Variants in ARHGEF28 observed in about 807,000 individuals in gnomAD.
ARHGEF28 encodes 190 kDa guanine nucleotide exchange factor.
In ARHGEF28, 152 loss-of-function variants were observed where a neutral mutation model predicts 206.6. The ratio of observed to expected loss-of-function variants is 0.74; its 90% CI spans 0.64 to 0.84. The LOEUF is 0.84. Among genes scored for constraint, ARHGEF28 ranks in the 40% least tolerant of loss-of-function variants. The probability of loss-of-function intolerance (pLI) is 0.00; values close to 1 mark genes in which losing one functional copy is unlikely to be tolerated. For missense variants in ARHGEF28, 2,028 were observed against 2,073.2 expected (o/e 0.98, Z 0.42); for synonymous variants, 763 against 776.4 (o/e 0.98, Z 0.29).
chr5:73,733,499 A>G (rs888054237), intron 2 of ARHGEF28, among the ~76,000 whole-genome samples: 1 of 152,202 alleles, frequency 6.6e-6, no homozygotes, highest in African/African-American at 2.4e-5. Context: ...TCTGGCCTTC[A>G]TTATGTGGGA....
intron 1 of ARHGEF28, among the ~76,000 whole-genome samples, chr5:73,643,836 A>G (rs1744267455): frequency 6.8e-6 from 1 of 146,828 alleles, no homozygotes; most frequent in Non-Finnish European, 1.5e-5. Context: ...AAAAAAATTC[A>G]CTGCATTCCT....
At position 73,909,437 on chromosome 5, in the gene ARHGEF28, A is replaced by T. The variant is rs757176786; in HGVS notation, c.4187A>T (p.His1396Leu). ...GCCGCCTTGACCATTCAGGACAGCC[A>T]CATTGAGATCCACAGGCTGGTTCTC... ...LQAALTIQDS[H>L]IEIHRLVLQQ... Residue 1396 changes from histidine to leucine, a missense_variant, in exon 34 of 36, where the codon CAC becomes CTC. By Grantham distance (99) the His-to-Leu change is moderately conservative. Transcript: ENST00000513042. The T allele has an allele frequency of 9.3e-6, 15 of 1,611,424 alleles. No individual in the cohort carries two copies. Among genetic ancestry groups the T allele is most frequent in the African/African-American group, 1.3e-5 (1 of 74,910 alleles).
chr5:73,649,298 G>T (rs1744644972), intron 1 of ARHGEF28, among the ~76,000 whole-genome samples: 1 of 152,128 alleles, frequency 6.6e-6, no homozygotes. Context: ...GGTGGGGAGT[G>T]GAAGGGGGAC....
intron 9 of ARHGEF28, among the ~76,000 whole-genome samples, chr5:73,820,938 C>A (rs1756549145): frequency 6.6e-6 from 1 of 152,100 alleles, no homozygotes; most frequent in African/African-American, 2.4e-5. Flanking sequence ...TGATCTACTG[C>A]AGAGTCCCAG....
chr5:73,757,042 A>G (rs973512128), intron 4 of ARHGEF28, among the ~76,000 whole-genome samples: 2 of 152,190 alleles, frequency 1.3e-5, no homozygotes, highest in Non-Finnish European at 2.9e-5. Context: ...GTGGGGTTCC[A>G]CTAATCTTGA....
chr5:73,801,137 G>A (rs926349438), intron 9 of ARHGEF28, among the ~76,000 whole-genome samples: 1 of 152,192 alleles, frequency 6.6e-6, no homozygotes, highest in African/African-American at 2.4e-5. Context: ...GGAAAAGAAC[G>A]TTTTGAGATG....
chr5:73,639,661 C>T (rs764848688), intron 1 of ARHGEF28, among the ~76,000 whole-genome samples: 2 of 152,036 alleles, frequency 1.3e-5, no homozygotes, highest in Admixed American at 6.6e-5. Flanking sequence ...CAGAAGTCTT[C>T]CTTTGCTTGT....
At chr5:73,686,665 C>T (rs1747495190) in intron 2 of ARHGEF28, among the ~76,000 whole-genome samples, 1 of 151,682 alleles carries the variant, frequency 6.6e-6, no homozygotes. Context: ...ATTACAGACA[C>T]CGCCACCACG....
At chr5:73,858,314 T>C (rs1759180407) in intron 16 of ARHGEF28, 95 bp downstream of exon 16, 11 of 1,423,016 alleles carry the variant, frequency 7.7e-6, no homozygotes, top group Middle Eastern at 2.0e-4. Context: ...ACATAAACCT[T>C]TTCAGTGCCA....
chr5:73,936,749 G>A (rs1030804916), intron 35 of ARHGEF28, among the ~76,000 whole-genome samples: 2 of 152,082 alleles, frequency 1.3e-5, no homozygotes, highest in African/African-American at 4.8e-5. Context: ...TTTATTTTTT[G>A]TAGAGACAGG....
At chr5:73,820,207 A>T (rs1381877010) in intron 9 of ARHGEF28, among the ~76,000 whole-genome samples, 2 of 152,190 alleles carry the variant, frequency 1.3e-5, no homozygotes, top group Admixed American at 1.3e-4. Flanking sequence ...GGGAGGGGAA[A>T]GGATATATTT....
chr5:73,831,733 C>T (rs1757311900), intron 9 of ARHGEF28, among the ~76,000 whole-genome samples: 1 of 152,212 alleles, frequency 6.6e-6, no homozygotes, highest in Non-Finnish European at 1.5e-5. Flanking sequence ...CTCTTGTTGC[C>T]TAGTCTGGAG....
At chr5:73,770,240 A>G (rs1241823801) in intron 4 of ARHGEF28, among the ~76,000 whole-genome samples, 1 of 152,194 alleles carries the variant, frequency 6.6e-6, no homozygotes, top group Non-Finnish European at 1.5e-5. Flanking sequence ...TTGGATCTTT[A>G]TTGTGACAGA....
chr5:73,906,055 C>T (rs114188374), intron 33 of ARHGEF28, among the ~76,000 whole-genome samples: 161 of 152,232 alleles, frequency 1.1e-3, no homozygotes, highest in Non-Finnish European at 1.6e-3. Flanking sequence ...ATGCTGCATT[C>T]GATGTTTTGT....
chr5:73,906,676 A>G (rs943022972), intron 33 of ARHGEF28, among the ~76,000 whole-genome samples: 4 of 152,200 alleles, frequency 2.6e-5, no homozygotes, highest in African/African-American at 7.2e-5. Context: ...CTCTTATTCT[A>G]TGATTTGCTG....
chr5:73,937,806 A>C (rs1764501543), intron 35 of ARHGEF28, among the ~76,000 whole-genome samples: 2 of 152,190 alleles, frequency 1.3e-5, no homozygotes, highest in East Asian at 3.8e-4. Context: ...CATATTCTCT[A>C]GGGTAAAAAG....
intron 9 of ARHGEF28, among the ~76,000 whole-genome samples, chr5:73,813,142 C>T (rs1459128902): frequency 1.3e-5 from 2 of 152,118 alleles, no homozygotes; most frequent in Non-Finnish European, 2.9e-5. Flanking sequence ...TTCTGAGAAG[C>T]AATATTCTCA....
intron 2 of ARHGEF28, among the ~76,000 whole-genome samples, chr5:73,741,663 C>T (rs1751443273): frequency 6.6e-6 from 1 of 151,724 alleles, no homozygotes; most frequent in Non-Finnish European, 1.5e-5. Flanking sequence ...ACGTGATCCA[C>T]CTGCCTCAAC....
In ARHGEF28 at chr5:73,832,409, A is replaced by G. The variant is rs1309553120; in HGVS notation, c.1096A>G (p.Met366Val). 1.2e-6 allele frequency: 2 copies of G among 1,612,686 alleles called. No individual in the cohort carries two copies. Among genetic ancestry groups the G allele is most frequent in the Non-Finnish European group, 1.7e-6 (2 of 1,179,372 alleles). Residue 366 changes from methionine to valine, a missense_variant, in exon 10 of 36, where the codon ATG becomes GTG. Physicochemically the swap from Met to Val is conservative, Grantham distance 21. Transcript: ENST00000513042. ...TLLAAGRLSD[M>V]LNGGDEVYAN... ...GCTTGCTGCAGGCCGGCTTTCAGACATGCTGAATGGAGGTGATGAAGTCTA... is the reference window on the plus strand; with the variant it reads ...GCTTGCTGCAGGCCGGCTTTCAGACGTGCTGAATGGAGGTGATGAAGTCTA...
Sources: allele counts gnomAD v4.1 joint callset (sites outside exome capture counted in the v4.1 genomes callset), GRCh38; gene constraint gnomAD v4.1.1; transcripts MANE v1.5; gene names NCBI Gene and HGNC (gene_info 2026-07-23, HGNC 2026-07-21).